PRKD1: variants seen among roughly 807,000 people sequenced by gnomAD.
PRKD1 encodes the protein serine/threonine-protein kinase D1.
In PRKD1, 63 loss-of-function variants were observed where a neutral mutation model predicts 95.9. That is an observed-to-expected ratio of 0.66 (90% CI 0.54 to 0.81). PRKD1 has a LOEUF of 0.81. Among genes scored for constraint, PRKD1 ranks in the 30% least tolerant of loss-of-function variants. The pLI, the probability that PRKD1 is intolerant of heterozygous loss-of-function variation, is 0.00. For synonymous variants in PRKD1, 425 were observed against 423.1 expected (o/e 1.00, Z -0.05); for missense variants, 1,048 against 1,165.3 (o/e 0.90, Z 1.47).
At chr14:29,817,741 G>C (rs1275111987) in intron 1 of PRKD1, among the ~76,000 whole-genome samples, 3 of 152,080 alleles carry the variant, frequency 2.0e-5, no homozygotes, top group African/African-American at 7.2e-5. Context: ...ATGCTCACAA[G>C]TGCCTTATTC....
intron 1 of PRKD1, among the ~76,000 whole-genome samples, chr14:29,891,894 T>C (rs750902711): frequency 6.6e-6 from 1 of 152,164 alleles, no homozygotes; most frequent in Non-Finnish European, 1.5e-5. Context: ...CTAATCTAAA[T>C]ATTTTATTAC....
At chr14:29,808,723 T>C (rs538573658) in intron 1 of PRKD1, among the ~76,000 whole-genome samples, 186 of 152,244 alleles carry the variant, frequency 1.2e-3, no homozygotes, top group Middle Eastern at 3.4e-3. Flanking sequence ...GTTCTCTTGA[T>C]AGTTTAACCA....
intron 13 of PRKD1, among the ~76,000 whole-genome samples, chr14:29,606,693 T>C (rs1481553122): frequency 6.6e-6 from 1 of 152,322 alleles, no homozygotes; most frequent in South Asian, 2.1e-4. Flanking sequence ...ATTTACATTG[T>C]GAAAACCTTA....
chr14:29,718,174 A>G (rs1255811705), intron 2 of PRKD1, among the ~76,000 whole-genome samples: 1 of 152,164 alleles, frequency 6.6e-6, no homozygotes, highest in African/African-American at 2.4e-5. Flanking sequence ...CCCCACCCGA[A>G]TCTTATCTTG....
chr14:29,915,380 CA>C (rs35081745), intron 1 of PRKD1, among the ~76,000 whole-genome samples: 1 of 151,920 alleles, frequency 6.6e-6, no homozygotes, highest in South Asian at 2.1e-4. Context: ...AAATATATTT[CA>C]AAAAAAATTT....
At chr14:29,766,507 C>T (rs1272093163) in intron 1 of PRKD1, among the ~76,000 whole-genome samples, 1 of 152,080 alleles carries the variant, frequency 6.6e-6, no homozygotes, top group Non-Finnish European at 1.5e-5. Flanking sequence ...ATGAGTATTG[C>T]CCACGAATTT....
At chr14:29,772,493 T>C (rs1180970130) in intron 1 of PRKD1, among the ~76,000 whole-genome samples, 3 of 152,354 alleles carry the variant, frequency 2.0e-5, no homozygotes, top group East Asian at 1.9e-4. Flanking sequence ...TATTTTGTTA[T>C]AGCCGCCCAA....
At position 29,622,025 on chromosome 14, in the gene PRKD1, C is replaced by T. The variant is rs144051954; in HGVS notation, c.1905+2127G>A. Among the ~76,000 whole-genome samples, 305 of 152,220 alleles carry T rather than the reference C, an allele frequency of 2.0e-3. 1 individual carries two copies. Among genetic ancestry groups the T allele is most frequent in the African/African-American group, 6.6e-3 (276 of 41,528 alleles). ...ATCTAATATTTTAGAGCCGTGGTCCCCAACCTTTTTGGCAACAGGGACAGG... is the reference window on the plus strand; with the variant it reads ...ATCTAATATTTTAGAGCCGTGGTCCTCAACCTTTTTGGCAACAGGGACAGG... On this transcript the variant is annotated intron_variant, in intron 13 of 17. Coordinates refer to ENST00000331968, the MANE Select transcript of PRKD1 (RefSeq NM_002742.3).
At chr14:29,663,640 T>C in intron 4 of PRKD1, 59 bp downstream of exon 4, 1 of 1,573,542 alleles carries the variant, frequency 6.4e-7, no homozygotes, top group Non-Finnish European at 8.7e-7. Context: ...GACATTGCTA[T>C]CACATCACCC....
intron 2 of PRKD1, among the ~76,000 whole-genome samples, 192 bp from the exon 3 acceptor site, chr14:29,666,400 C>A (rs1048776828): frequency 1.3e-5 from 2 of 151,912 alleles, no homozygotes; most frequent in African/African-American, 4.8e-5. Flanking sequence ...GTTGGTGGCA[C>A]AGCAACCATC....
chr14:29,710,211 G>A (rs1238362565), intron 2 of PRKD1, among the ~76,000 whole-genome samples: 1 of 152,118 alleles, frequency 6.6e-6, no homozygotes, highest in East Asian at 1.9e-4. Flanking sequence ...ACTCTCCAGA[G>A]GGTGGAGCTT....
In PRKD1 at chr14:29,704,322, T is replaced by G. The variant is rs45621932; in HGVS notation, c.403+21214A>C. On this transcript the variant is annotated intron_variant, in intron 2 of 17. Coordinates refer to ENST00000331968, the MANE Select transcript of PRKD1 (RefSeq NM_002742.3). ...TACTCAATTCCTATGGAATGGTCTC[T>G]CATCTTTGTACTAGTAGCCACTCAT... Among the ~76,000 whole-genome samples the G allele has an allele frequency of 8.9e-3, 1,359 of 152,272 alleles. 17 individuals carry two copies. Among genetic ancestry groups the G allele is most frequent in the African/African-American group, 0.031 (1,306 of 41,546 alleles).
chr14:29,672,887 A>G (rs896519464), intron 2 of PRKD1, among the ~76,000 whole-genome samples: 6 of 147,296 alleles, frequency 4.1e-5, no homozygotes, highest in Non-Finnish European at 7.5e-5. Context: ...TCCTTCTCAG[A>G]AAAAAAAAAA....
intron 4 of PRKD1, chr14:29,656,493 C>A (rs1232000341): frequency 6.5e-7 from 1 of 1,535,694 alleles, no homozygotes; most frequent in East Asian, 2.4e-5. Flanking sequence ...CCAGGACTCA[C>A]AGGAGACTGA....
Position 29,922,638 on chromosome 14 carries a change from C to T in PRKD1, c.264+4611G>A, listed in dbSNP as rs28444478. On this transcript the variant is annotated intron_variant, in intron 1 of 17. Transcript: ENST00000331968. The stretch of plus-strand genomic sequence containing the variant: ...GTGGCTCATGCCTGCAATCCCAGCA[C>T]TTTGGAAGGCTGAGGTGGGAGGATT... Among the ~76,000 whole-genome samples the T allele has an allele frequency of 9.6e-3, 1,463 of 152,042 alleles. 13 individuals are homozygous for T. The highest frequency in any genetic ancestry group is 0.034 in the African/African-American group (1,399 of 41,492).
At chr14:29,627,895 C>T (rs538150471) in intron 11 of PRKD1, among the ~76,000 whole-genome samples, 35 of 152,280 alleles carry the variant, frequency 2.3e-4, no homozygotes, top group Non-Finnish European at 5.0e-4. Context: ...ATTCTGATTT[C>T]AAGCTACTTC....
At chr14:29,887,122 C>T (rs757142475) in intron 1 of PRKD1, among the ~76,000 whole-genome samples, 9 of 152,150 alleles carry the variant, frequency 5.9e-5, no homozygotes, top group Non-Finnish European at 1.3e-4. Context: ...TTTGTTCTTG[C>T]AAATGTTAAT....
intron 1 of PRKD1, among the ~76,000 whole-genome samples, chr14:29,916,816 C>A (rs1566670616): frequency 6.6e-6 from 1 of 152,166 alleles, no homozygotes; most frequent in East Asian, 1.9e-4. Flanking sequence ...CTAATAATCT[C>A]TTTTTCCCGT....
At chr14:29,811,440 A>G (rs1024192336) in intron 1 of PRKD1, among the ~76,000 whole-genome samples, 1 of 152,228 alleles carries the variant, frequency 6.6e-6, no homozygotes, top group Non-Finnish European at 1.5e-5. Flanking sequence ...GCCCACAGGC[A>G]GAAGGATGAC....
Sources: gnomAD v4.1 joint callset for allele counts (sites outside exome capture counted in the v4.1 genomes callset) on GRCh38, gnomAD v4.1.1 for gene constraint, MANE v1.5 for transcripts, NCBI Gene and HGNC (gene_info 2026-07-23, HGNC 2026-07-21) for gene names.